STXBP4: variants seen among roughly 807,000 people sequenced by gnomAD.
STXBP4 encodes syntaxin binding protein 4.
STXBP4 carries 55 observed loss-of-function variants against 76.1 expected under a neutral mutation model. The observed-to-expected ratio is 0.72, with a 90% CI of 0.58 to 0.91. The LOEUF is 0.91. Among genes scored for constraint, STXBP4 ranks in the 40% least tolerant of loss-of-function variants. The pLI, the probability that STXBP4 is intolerant of heterozygous loss-of-function variation, is 0.00. For missense variants in STXBP4, 618 were observed against 636.9 expected (o/e 0.97, Z 0.32); for synonymous variants, 201 against 220.2 (o/e 0.91, Z 0.77).
chr17:55,110,836 A>G (rs2079703685), intron 16 of STXBP4, among the ~76,000 whole-genome samples: 1 of 152,234 alleles, frequency 6.6e-6, no homozygotes, highest in South Asian at 2.1e-4. Flanking sequence ...AAGTAATGGT[A>G]AATAAGTCAG....
chr17:55,016,893 T>G (rs533134799), intron 8 of STXBP4, among the ~76,000 whole-genome samples: 1 of 152,354 alleles, frequency 6.6e-6, no homozygotes, highest in South Asian at 2.1e-4. Context: ...ACAATGAGGT[T>G]TCCTCTAAAA....
downstream of STXBP4, among the ~76,000 whole-genome samples, chr17:55,178,620 G>A (rs1185495077): frequency 6.6e-6 from 1 of 152,214 alleles, no homozygotes; most frequent in Non-Finnish European, 1.5e-5. Flanking sequence ...GAGATTTATT[G>A]TAAGGAATTG....
intron 16 of STXBP4, among the ~76,000 whole-genome samples, chr17:55,096,227 C>T (rs1279545522): frequency 2.0e-5 from 3 of 152,114 alleles, no homozygotes; most frequent in Non-Finnish European, 4.4e-5. Flanking sequence ...GTGATCACAG[C>T]TCACTGCAGC....
chr17:55,137,867 T>C lies in STXBP4; in HGVS notation c.1490-3443T>C, dbSNP rs377497362. 1.5e-3 allele frequency among the ~76,000 whole-genome samples: 222 copies of C among 152,284 alleles called. 7 individuals are homozygous for C. In the South Asian group the frequency reaches 0.045, roughly 31 times the overall value. ...CCATCAATATGAGAATGACTGTCTC[T>C]TCACACCATCAATGCTGTGTCTAAT... On this transcript the variant is annotated intron_variant, in intron 16 of 17. Coordinates refer to ENST00000376352, the MANE Select transcript of STXBP4 (RefSeq NM_178509.6).
At position 54,993,418 on chromosome 17, in the gene STXBP4, T is replaced by C. The variant is rs62078808; in HGVS notation, c.180+2461T>C. ...ATCCCTTGGGCCCAGGAGTTCCAGGTTGCAGTGAGCTATGATTGCATCACT... is the reference window on the plus strand; with the variant it reads ...ATCCCTTGGGCCCAGGAGTTCCAGGCTGCAGTGAGCTATGATTGCATCACT... On this transcript the variant is annotated intron_variant, in intron 4 of 17. Coordinates refer to ENST00000376352, the MANE Select transcript of STXBP4 (RefSeq NM_178509.6). Among the ~76,000 whole-genome samples, 272 of 152,264 alleles carry C rather than the reference T, an allele frequency of 1.8e-3. 1 individual carries two copies. The highest frequency in any genetic ancestry group is 3.1e-3 in the Non-Finnish European group (210 of 68,020).
chr17:54,982,196 A>G (rs1598151812), intron 1 of STXBP4, among the ~76,000 whole-genome samples: 1 of 152,020 alleles, frequency 6.6e-6, no homozygotes, highest in Admixed American at 6.6e-5. Flanking sequence ...TATTTTCTCT[A>G]TTTTTTGTCC....
intron 17 of STXBP4, among the ~76,000 whole-genome samples, chr17:55,148,597 G>A (rs2080182471): frequency 6.6e-6 from 1 of 151,018 alleles, no homozygotes; most frequent in South Asian, 2.1e-4. Context: ...GGAGTGCAGT[G>A]ACACAGTCTC....
intron 16 of STXBP4, among the ~76,000 whole-genome samples, chr17:55,116,544 T>G (rs564015536): frequency 6.6e-6 from 1 of 151,936 alleles, no homozygotes; most frequent in African/African-American, 2.4e-5. Context: ...AGCACAAATT[T>G]TAGTATCTGG....
chr17:55,163,617 T>G lies in STXBP4; in HGVS notation c.*3706T>G, dbSNP rs893660021. On this transcript the variant is annotated 3_prime_UTR_variant, in exon 18 of 18. Transcript: ENST00000376352. ...CACCTGCTACATGCCAGGCAAAATG[T>G]GAAATTTGCATGCTATGAGGCTAAA... 1.3e-5 allele frequency: 2 copies of G among 152,194 alleles called. No individual in the cohort carries two copies. The highest frequency in any genetic ancestry group is 2.9e-5 in the Non-Finnish European group (2 of 68,032). The allele number at this position is 152,194 out of a possible 1,614,324, so 9.4% of individuals were successfully genotyped here.
chr17:55,006,806 C>A lies in STXBP4; in HGVS notation c.575-700C>A, dbSNP rs994917878. ...AAATGACTTGCATTTATGGTTTTTT[C>A]CAGAGTACTTCCAGAATACACATCA... is the stretch of plus-strand genomic sequence containing the variant. On this transcript the variant is annotated intron_variant, in intron 7 of 17. Coordinates refer to ENST00000376352, the MANE Select transcript of STXBP4 (RefSeq NM_178509.6). Among the ~76,000 whole-genome samples the A allele has an allele frequency of 3.9e-5, 6 of 152,090 alleles. No individual in the cohort carries two copies. In the East Asian group the frequency reaches 1.2e-3, roughly 29 times the overall value.
At chr17:55,052,082 TA>T (rs1308258203) in intron 12 of STXBP4, among the ~76,000 whole-genome samples, 1 of 152,070 alleles carries the variant, frequency 6.6e-6, no homozygotes, top group East Asian at 1.9e-4. Context: ...TCTGTCAACT[TA>T]AAGGGCTAAG....
chr17:55,198,701 T>C, the STXBP4 span, among the ~76,000 whole-genome samples: 1 of 152,204 alleles, frequency 6.6e-6, no homozygotes, highest in Admixed American at 6.5e-5. Flanking sequence ...ACCAAACTTA[T>C]CTGAGAAATA....
At chr17:55,137,760 G>A (rs915821469) in intron 16 of STXBP4, among the ~76,000 whole-genome samples, 1 of 152,056 alleles carries the variant, frequency 6.6e-6, no homozygotes, top group Non-Finnish European at 1.5e-5. Context: ...CTCAATAAAT[G>A]TTAACTCATT....
intron 1 of STXBP4, among the ~76,000 whole-genome samples, chr17:54,983,921 T>C (rs1167035737): frequency 6.6e-6 from 1 of 152,214 alleles, no homozygotes; most frequent in Non-Finnish European, 1.5e-5. Flanking sequence ...TTTAAGCTCC[T>C]CCCTCAGGTG....
intron 7 of STXBP4, among the ~76,000 whole-genome samples, chr17:55,003,807 A>G (rs1186218236): frequency 6.6e-6 from 1 of 152,200 alleles, no homozygotes; most frequent in African/African-American, 2.4e-5. Context: ...AGTGCTATAT[A>G]TAAGTTGAAT....
chr17:55,007,021 A>G (rs145647224), intron 7 of STXBP4, among the ~76,000 whole-genome samples: 275 of 152,294 alleles, frequency 1.8e-3, no homozygotes, highest in African/African-American at 6.1e-3. Context: ...GCCAACTTAT[A>G]TAAAAAATTT....
At chr17:55,116,916 G>T (rs182351054) in intron 16 of STXBP4, among the ~76,000 whole-genome samples, 31 of 151,846 alleles carry the variant, frequency 2.0e-4, no homozygotes, top group African/African-American at 7.2e-4. Flanking sequence ...GGCACTATCT[G>T]TGTAAAGTTT....
intron 12 of STXBP4, among the ~76,000 whole-genome samples, chr17:55,067,909 G>C (rs561951547): frequency 1.3e-5 from 2 of 152,084 alleles, no homozygotes; most frequent in Non-Finnish European, 2.9e-5. Context: ...AGTCATGGAG[G>C]GGGAGTGAGG....
chr17:55,110,433 T>C (rs951640984), intron 16 of STXBP4, among the ~76,000 whole-genome samples: 7 of 152,116 alleles, frequency 4.6e-5, no homozygotes, highest in Non-Finnish European at 1.0e-4. Context: ...GGATGGGCCT[T>C]GGAGGATAGA....
Sources: gnomAD v4.1 joint callset for allele counts (sites outside exome capture counted in the v4.1 genomes callset) on GRCh38, gnomAD v4.1.1 for gene constraint, MANE v1.5 for transcripts, NCBI Gene and HGNC (gene_info 2026-07-23, HGNC 2026-07-21) for gene names.